The following BMPR1B variants were observed in gnomAD, a reference collection of about 807,000 sequenced individuals.
BMPR1B encodes the protein bone morphogenetic protein receptor type 1B.
Under a neutral mutation model 59.1 loss-of-function variants are expected in BMPR1B, and 12 were observed. The observed-to-expected ratio is 0.20, with a 90% CI of 0.13 to 0.33. The LOEUF is 0.33. Ranked by LOEUF, BMPR1B falls within the 10% of genes least tolerant of loss-of-function variation. The pLI, the probability that BMPR1B is intolerant of heterozygous loss-of-function variation, is 1.00. For missense variants in BMPR1B, 550 were observed against 610.9 expected (o/e 0.90, Z 1.05); for synonymous variants, 237 against 207.3 (o/e 1.14, Z -1.23).
chr4:95,129,809 A>G (rs1579127799), intron 8 of BMPR1B, 53 bp from the exon 9 acceptor site: 1 of 1,583,460 alleles, frequency 6.3e-7, no homozygotes, highest in East Asian at 2.2e-5. Flanking sequence ...AAAAAGATTA[A>G]ACAAATCTGT....
In BMPR1B at chr4:94,902,309, A is replaced by C. The variant is rs6823276; in HGVS notation, c.-113+26409A>C. 8.4e-3 allele frequency among the ~76,000 whole-genome samples: 1,257 copies of C among 149,820 alleles called. 19 individuals are homozygous for C. Among genetic ancestry groups the C allele is most frequent in the African/African-American group, 0.029 (1,182 of 40,902 alleles). On this transcript the variant is annotated intron_variant, in intron 2 of 12. Transcript: ENST00000515059. ...AGAGAGAGAGAAGATGGGGAAAAAA[A>C]CAAACTGGAAATAATTCATGTAATA... is the stretch of plus-strand genomic sequence containing the variant.
chr4:95,124,209 G>A (rs1732741881), intron 7 of BMPR1B, among the ~76,000 whole-genome samples: 1 of 152,010 alleles, frequency 6.6e-6, no homozygotes, highest in African/African-American at 2.4e-5. Context: ...TCCAAGCAGA[G>A]AAATGGCCAT....
intron 10 of BMPR1B, among the ~76,000 whole-genome samples, chr4:95,138,241 C>G (rs1192888083): frequency 6.6e-6 from 1 of 152,182 alleles, no homozygotes; most frequent in Non-Finnish European, 1.5e-5. Flanking sequence ...GGCCCCCACT[C>G]TCTTCTGGCT....
At chr4:95,108,736 G>A (rs971974245) in intron 4 of BMPR1B, among the ~76,000 whole-genome samples, 1 of 152,014 alleles carries the variant, frequency 6.6e-6, no homozygotes, top group Admixed American at 6.6e-5. Context: ...CAGTAATAGA[G>A]CCTTTTTTAT....
chr4:94,858,443 C>T (rs1725855297), intron 1 of BMPR1B, among the ~76,000 whole-genome samples: 1 of 152,038 alleles, frequency 6.6e-6, no homozygotes. Context: ...TGGAACCATC[C>T]TTCTGATGGA....
At chr4:94,971,193 A>G (rs1452283177) in intron 2 of BMPR1B, among the ~76,000 whole-genome samples, 1 of 152,188 alleles carries the variant, frequency 6.6e-6, no homozygotes, top group Non-Finnish European at 1.5e-5. Flanking sequence ...ATAAATAAAA[A>G]CAACTTTTTT....
chr4:95,132,744 C>T (rs1363465644), intron 10 of BMPR1B, among the ~76,000 whole-genome samples: 1 of 151,676 alleles, frequency 6.6e-6, no homozygotes, highest in Non-Finnish European at 1.5e-5. Flanking sequence ...CCAAGAGTTC[C>T]AAAAGATCAT....
intron 2 of BMPR1B, among the ~76,000 whole-genome samples, chr4:94,979,676 T>G (rs1291280852): frequency 1.3e-5 from 2 of 152,192 alleles, no homozygotes; most frequent in African/African-American, 2.4e-5. Context: ...TTCTCAAAAT[T>G]CATCTTTTCA....
At chr4:95,138,691 G>C (rs1733989264) in intron 10 of BMPR1B, among the ~76,000 whole-genome samples, 1 of 151,990 alleles carries the variant, frequency 6.6e-6, no homozygotes, top group South Asian at 2.1e-4. Context: ...TCTTTCACTT[G>C]ATCGAATCGA....
At chr4:94,945,268 C>T (rs980809646) in intron 2 of BMPR1B, among the ~76,000 whole-genome samples, 1 of 152,124 alleles carries the variant, frequency 6.6e-6, no homozygotes, top group African/African-American at 2.4e-5. Context: ...TAAGTGTTCC[C>T]TTTACCATCC....
intron 3 of BMPR1B, among the ~76,000 whole-genome samples, chr4:95,046,856 T>C (rs1031121126): frequency 3.9e-5 from 6 of 152,220 alleles, no homozygotes; most frequent in African/African-American, 1.4e-4. Context: ...ACCATTGTTA[T>C]TCTCCTTTCT....
At chr4:94,773,791 T>G (rs1722272055) in intron 1 of BMPR1B, among the ~76,000 whole-genome samples, 1 of 152,014 alleles carries the variant, frequency 6.6e-6, no homozygotes. Flanking sequence ...GTTATCTTTG[T>G]TTCTTTGACT....
At chr4:95,152,389 T>G (rs1267168874) in intron 11 of BMPR1B, among the ~76,000 whole-genome samples, 2 of 152,210 alleles carry the variant, frequency 1.3e-5, no homozygotes, top group East Asian at 3.8e-4. Context: ...CTTGTTTTAC[T>G]TAGCTTTTGG....
intron 2 of BMPR1B, among the ~76,000 whole-genome samples, chr4:94,989,402 A>C (rs911881334): frequency 1.3e-4 from 18 of 142,360 alleles, no homozygotes; most frequent in East Asian, 6.0e-4. Flanking sequence ...AAAAAAAAAA[A>C]ACAAAAAAAA....
chr4:94,828,062 G>A (rs1463543184), intron 1 of BMPR1B, among the ~76,000 whole-genome samples: 2 of 152,130 alleles, frequency 1.3e-5, no homozygotes, highest in African/African-American at 2.4e-5. Flanking sequence ...TTGAATATAC[G>A]TAAAGTGTTT....
chr4:95,036,661 T>TAATAAACATGG (rs1017739422), intron 3 of BMPR1B, among the ~76,000 whole-genome samples: 2 of 152,114 alleles, frequency 1.3e-5, no homozygotes. Flanking sequence ...ATCATGGCTG[T>TAATAAACATGG]AATAAACATG....
chr4:94,772,892 T>C (rs999249627), intron 1 of BMPR1B, among the ~76,000 whole-genome samples: 1 of 152,160 alleles, frequency 6.6e-6, no homozygotes, highest in African/African-American at 2.4e-5. Flanking sequence ...ATTTAAATCA[T>C]TGAATGACCC....
intron 10 of BMPR1B, among the ~76,000 whole-genome samples, chr4:95,145,314 C>T (rs1032878259): frequency 9.9e-5 from 15 of 152,164 alleles, no homozygotes; most frequent in Admixed American, 5.2e-4. Flanking sequence ...GAATTATTGT[C>T]TCTGAGTCTA....
chr4:95,033,061 G>GT (rs1173623639), intron 3 of BMPR1B, among the ~76,000 whole-genome samples: 1 of 152,080 alleles, frequency 6.6e-6, no homozygotes, highest in Admixed American at 6.6e-5. Flanking sequence ...CATTTACCTA[G>GT]TTATTAGTGA....
Sources: gnomAD v4.1 joint callset for allele counts (sites outside exome capture counted in the v4.1 genomes callset) on GRCh38, gnomAD v4.1.1 for gene constraint, MANE v1.5 for transcripts, NCBI Gene and HGNC (gene_info 2026-07-23, HGNC 2026-07-21) for gene names.